The following NFIC variants were observed in gnomAD, a reference collection of about 807,000 sequenced individuals.
NFIC encodes the protein nuclear factor 1 C-type.
In NFIC, 12 loss-of-function variants were observed where a neutral mutation model predicts 54.4. That is an observed-to-expected ratio of 0.22 (90% confidence interval 0.14 to 0.36). The LOEUF (loss-of-function observed/expected upper bound fraction) is 0.36. Among genes scored for constraint, NFIC ranks in the 10% least tolerant of loss-of-function variants. The pLI, the probability that NFIC is intolerant of heterozygous loss-of-function variation, is 1.00. For missense variants in NFIC, 575 were observed against 718.2 expected, an observed-to-expected ratio of 0.80 and a Z score of 2.28; for synonymous variants, 322 against 319.2, an observed-to-expected ratio of 1.01 and a Z score of -0.09.
At chr19:3,430,940 A>AAAAAAAAAAAG (rs2082110574) in intron 3 of NFIC, among the ~76,000 whole-genome samples, 1 of 151,234 alleles carries the variant, frequency 6.6e-6, no homozygotes, top group South Asian at 2.1e-4. Flanking sequence ...TCAAAAAAAA[A>AAAAAAAAAAAG]AAAAAAGAAA....
intron 2 of NFIC, among the ~76,000 whole-genome samples, chr19:3,392,339 T>C (rs1226173704): frequency 6.6e-6 from 1 of 152,180 alleles, no homozygotes; most frequent in Non-Finnish European, 1.5e-5. Context: ...CCCAAAGTGC[T>C]GGGACTACAG....
chr19:3,365,822 G>A (rs188656978), upstream of NFIC, among the ~76,000 whole-genome samples: 125 of 151,708 alleles, frequency 8.2e-4, no homozygotes, highest in Non-Finnish European at 9.3e-4. Flanking sequence ...AGCAAATTCT[G>A]GAGCCTCCCG....
intron 6 of NFIC, among the ~76,000 whole-genome samples, chr19:3,446,731 C>T (rs1425259528): frequency 6.6e-6 from 1 of 152,218 alleles, no homozygotes; most frequent in African/African-American, 2.4e-5. Context: ...TTAGCCCTCA[C>T]TTGAAAAAGC....
chr19:3,455,531 T>G (rs549876040), intron 9 of NFIC, among the ~76,000 whole-genome samples: 1 of 148,248 alleles, frequency 6.7e-6, no homozygotes, highest in Admixed American at 6.8e-5. Flanking sequence ...CTGTGTAGGA[T>G]CCACTCAGGG....
Position 3,458,576 on chromosome 19 carries a change from G to A in NFIC, c.1509+1941G>A, listed in dbSNP as rs1289046696. On this transcript the variant is annotated intron_variant, in intron 10 of 10. Coordinates refer to ENST00000443272, the MANE Select transcript of NFIC (RefSeq NM_001245002.2). This position sits in a 1 kb window ranked among gnomAD's most constrained non-coding sequence, Gnocchi z 4.1. Reference sequence around the variant, plus strand: ...TTTCTCAGCATCCCTATCTTGACTGGCTGGACTCCTCTGGGGACCCAGAAA... The same window carrying A: ...TTTCTCAGCATCCCTATCTTGACTGACTGGACTCCTCTGGGGACCCAGAAA... 2.0e-5 allele frequency among the ~76,000 whole-genome samples: 3 copies of A among 152,058 alleles called. No individual in the cohort carries two copies. The highest frequency in any genetic ancestry group is 7.2e-5 in the African/African-American group (3 of 41,396).
At chr19:3,379,765 C>T (rs1463752203) in intron 1 of NFIC, among the ~76,000 whole-genome samples, 1 of 145,036 alleles carries the variant, frequency 6.9e-6, no homozygotes, top group East Asian at 2.2e-4. Flanking sequence ...CCTTGGCTCA[C>T]TGCAGCCTTG....
At chr19:3,456,778 C>A in intron 10 of NFIC, 143 bp downstream of exon 10, 1 of 798,662 alleles carries the variant, frequency 1.3e-6, no homozygotes, top group Non-Finnish European at 2.0e-6. Flanking sequence ...CCACCTGGGC[C>A]TCGAGCCCCC....
chr19:3,465,656 G>A lies in NFIC; in HGVS notation c.*2887G>A, dbSNP rs1004943492. 3 of 152,114 alleles carry A rather than the reference G, an allele frequency of 2.0e-5. No homozygotes were observed. Among genetic ancestry groups the A allele is most frequent in the Non-Finnish European group, 2.9e-5 (2 of 68,036 alleles). The allele number at this position is 152,114 out of a possible 1,614,324, so 9.4% of individuals were successfully genotyped here. ...TCCCTTGCCCAGAGGACAGACCTCC[G>A]GGGCCCATCTTGGCCCTGGGAAAGG... is the stretch of plus-strand genomic sequence containing the variant. On this transcript the variant is annotated 3_prime_UTR_variant, in exon 11 of 11. Coordinates refer to ENST00000443272, the MANE Select transcript of NFIC (RefSeq NM_001245002.2).
rs990675893 is a variant in NFIC, at chr19:3,373,503, G to A, written c.30+6837G>A. On this transcript the variant is annotated intron_variant, in intron 1 of 10. Transcript: ENST00000443272. Reference sequence around the variant, plus strand: ...GCTGTTCCTCTAACACGCCAGGTGCGGTCCTGCCCCAGGGCCTTTGCATGA... The same window carrying A: ...GCTGTTCCTCTAACACGCCAGGTGCAGTCCTGCCCCAGGGCCTTTGCATGA... Among the ~76,000 whole-genome samples, 15 of 151,870 alleles carry A rather than the reference G, an allele frequency of 9.9e-5. No individual in the cohort carries two copies. In the East Asian group the frequency reaches 2.3e-3, roughly 24 times the overall value.
chr19:3,388,158 G>T (rs1181409645), intron 2 of NFIC, among the ~76,000 whole-genome samples: 1 of 152,110 alleles, frequency 6.6e-6, no homozygotes, highest in East Asian at 1.9e-4. Flanking sequence ...GGCGCGGTGG[G>T]CAGAGCCCGG....
At chr19:3,366,534 C>CT (rs2080886232), upstream of NFIC, 3 of 361,260 alleles carry the variant, frequency 8.3e-6, no homozygotes, top group Non-Finnish European at 1.3e-5. Context: ...GGCCGCGGGG[C>CT]GGGGGGGGGG....
In NFIC at chr19:3,401,156, G is replaced by A. The variant is rs555001368; in HGVS notation, c.562+18913G>A. ...CTGCAGCAGAGTGAGGAGAGGAAGA[G>A]AAGGAGGAGGGGAGGGCAGTTTGTG... On this transcript the variant is annotated intron_variant, in intron 2 of 10. Transcript: ENST00000443272. Among the ~76,000 whole-genome samples, 8 of 152,342 alleles carry A rather than the reference G, an allele frequency of 5.3e-5. 1 individual carries two copies. The South Asian group carries it at 1.7e-3, about 32-fold the overall frequency.
chr19:3,454,550 C>T (rs2082522189), intron 9 of NFIC, among the ~76,000 whole-genome samples: 1 of 151,884 alleles, frequency 6.6e-6, no homozygotes, highest in Admixed American at 6.6e-5. Context: ...GCTGGATGGC[C>T]CCTCGGTCCT....
chr19:3,401,116 A>G (rs1470025998), intron 2 of NFIC, among the ~76,000 whole-genome samples: 1 of 152,192 alleles, frequency 6.6e-6, no homozygotes, highest in African/African-American at 2.4e-5. Context: ...AGGAACAGTG[A>G]GGAGGCCTGT....
chr19:3,408,248 T>C (rs1205579908), intron 2 of NFIC, among the ~76,000 whole-genome samples: 1 of 152,062 alleles, frequency 6.6e-6, no homozygotes, highest in Non-Finnish European at 1.5e-5. Flanking sequence ...CCGCCGGGTT[T>C]TTAAATAAGT....
intron 1 of NFIC, among the ~76,000 whole-genome samples, chr19:3,366,984 C>T (rs1360470160): frequency 6.6e-6 from 1 of 150,816 alleles, no homozygotes; most frequent in Non-Finnish European, 1.5e-5. Flanking sequence ...CCGACGCACT[C>T]CGCACCCCCG....
chr19:3,451,896 C>T (rs375657061), intron 7 of NFIC, among the ~76,000 whole-genome samples: 25 of 151,888 alleles, frequency 1.6e-4, no homozygotes, highest in African/African-American at 4.8e-4. Context: ...GTGGGCGGAT[C>T]ACCTGAGGTC....
chr19:3,451,169 A>T (rs2082456963), intron 7 of NFIC, among the ~76,000 whole-genome samples: 1 of 152,202 alleles, frequency 6.6e-6, no homozygotes, highest in Non-Finnish European at 1.5e-5. Flanking sequence ...CACCTTGAGG[A>T]CGTCATGCTC....
chr19:3,449,500 C>A (rs1242631885), intron 7 of NFIC, among the ~76,000 whole-genome samples: 1 of 152,210 alleles, frequency 6.6e-6, no homozygotes, highest in Non-Finnish European at 1.5e-5. Context: ...TGGCTCACAC[C>A]TGTAATCCCG....
Sources: gnomAD v4.1 joint callset for allele counts (sites outside exome capture counted in the v4.1 genomes callset) on GRCh38, gnomAD v4.1.1 for gene constraint, Gnocchi (gnomAD v3.1) non-coding constraint, MANE v1.5 for transcripts, NCBI Gene and HGNC (gene_info 2026-07-23, HGNC 2026-07-21) for gene names.